Variants in CDK14 observed in about 807,000 individuals in gnomAD.
CDK14 encodes the protein cyclin dependent kinase 14.
CDK14 carries 34 observed loss-of-function variants against 60.7 expected under a neutral mutation model. That is an observed-to-expected ratio of 0.56 (90% confidence interval 0.43 to 0.75). The LOEUF is 0.75. Ranked by LOEUF, CDK14 falls within the 30% of genes least tolerant of loss-of-function variation. The pLI is 0.00. For missense variants in CDK14, 482 were observed against 564.1 expected (o/e 0.85, Z 1.47); for synonymous variants, 197 against 203.7 (o/e 0.97, Z 0.28).
chr7:90,836,720 C>A (rs1184465798), intron 5 of CDK14, among the ~76,000 whole-genome samples: 1 of 152,100 alleles, frequency 6.6e-6, no homozygotes, highest in East Asian at 1.9e-4. Context: ...GTCTATGCAA[C>A]CCTTTTATAC....
intron 10 of CDK14, among the ~76,000 whole-genome samples, chr7:91,026,449 G>A (rs953537581): frequency 2.6e-5 from 4 of 152,336 alleles, no homozygotes; most frequent in African/African-American, 9.6e-5. Context: ...AGACAGGATA[G>A]TCTTATAGAA....
chr7:91,055,582 G>T (rs947524088), intron 11 of CDK14, among the ~76,000 whole-genome samples: 1 of 152,100 alleles, frequency 6.6e-6, no homozygotes, highest in Non-Finnish European at 1.5e-5. Context: ...CTACTCGCTG[G>T]AATTTTGTAA....
chr7:90,631,257 T>G (rs1177461274), intron 2 of CDK14, among the ~76,000 whole-genome samples: 1 of 152,202 alleles, frequency 6.6e-6, no homozygotes, highest in African/African-American at 2.4e-5. Flanking sequence ...TGACTGGACA[T>G]GTAGAAAATG....
At chr7:90,957,742 A>G (rs900633825) in intron 9 of CDK14, among the ~76,000 whole-genome samples, 14 of 152,100 alleles carry the variant, frequency 9.2e-5, no homozygotes, top group African/African-American at 3.1e-4. Context: ...GCTCATGGGT[A>G]GGAAGAATCA....
intron 14 of CDK14, among the ~76,000 whole-genome samples, chr7:91,134,437 C>T (rs376218575): frequency 6.6e-6 from 1 of 152,064 alleles, no homozygotes; most frequent in African/African-American, 2.4e-5. Flanking sequence ...TGCAAAAGGT[C>T]AGAAGTTAAG....
chr7:91,010,520 G>A (rs534964590), intron 10 of CDK14, among the ~76,000 whole-genome samples: 12 of 151,824 alleles, frequency 7.9e-5, no homozygotes, highest in Non-Finnish European at 1.5e-4. Context: ...ATTGTAAATG[G>A]TATTTTTGTT....
chr7:90,712,836 T>C (rs1231157220), intron 2 of CDK14, among the ~76,000 whole-genome samples: 1 of 152,088 alleles, frequency 6.6e-6, no homozygotes, highest in Non-Finnish European at 1.5e-5. Context: ...CCTTTCTCTA[T>C]TTTACTTCAT....
intron 11 of CDK14, among the ~76,000 whole-genome samples, chr7:91,052,976 T>C (rs775034271): frequency 2.6e-5 from 4 of 151,862 alleles, no homozygotes; most frequent in Non-Finnish European, 5.9e-5. Context: ...CATACGGACT[T>C]AGCTGTATCA....
intron 9 of CDK14, among the ~76,000 whole-genome samples, chr7:90,962,602 T>C (rs1794633529): frequency 6.6e-6 from 1 of 152,232 alleles, no homozygotes; most frequent in South Asian, 2.1e-4. Flanking sequence ...TGCTTGGTCA[T>C]TTATTGGCAA....
chr7:90,830,149 C>T (rs1276239964), intron 5 of CDK14, among the ~76,000 whole-genome samples: 1 of 152,188 alleles, frequency 6.6e-6, no homozygotes, highest in Non-Finnish European at 1.5e-5. Flanking sequence ...CTCTGCATCG[C>T]CCTAGTAGAG....
intron 12 of CDK14, among the ~76,000 whole-genome samples, chr7:91,089,307 G>T (rs1045454222): frequency 1.3e-5 from 2 of 152,018 alleles, no homozygotes; most frequent in African/African-American, 4.8e-5. Flanking sequence ...CAGGGAAAAC[G>T]GCATGATAGG....
At chr7:90,662,366 T>TTTG (rs1800881685) in intron 2 of CDK14, among the ~76,000 whole-genome samples, 1 of 152,222 alleles carries the variant, frequency 6.6e-6, no homozygotes, top group South Asian at 2.1e-4. Flanking sequence ...CAAGTCCTGC[T>TTTG]TTGCTCTCTT....
At chr7:91,010,506 T>C (rs1796120268) in intron 10 of CDK14, among the ~76,000 whole-genome samples, 1 of 152,116 alleles carries the variant, frequency 6.6e-6, no homozygotes, top group Non-Finnish European at 1.5e-5. Context: ...AATATTTTTA[T>C]GCTATTGTAA....
intron 14 of CDK14, among the ~76,000 whole-genome samples, chr7:91,184,361 G>T (rs1023611483): frequency 2.0e-5 from 3 of 151,862 alleles, no homozygotes; most frequent in Non-Finnish European, 2.9e-5. Context: ...AATGTGGTAT[G>T]ATCAAGGTTT....
At chr7:90,950,048 C>T (rs962706431) in intron 8 of CDK14, among the ~76,000 whole-genome samples, 4 of 152,110 alleles carry the variant, frequency 2.6e-5, no homozygotes, top group Admixed American at 6.5e-5. Flanking sequence ...TACTGTTATT[C>T]GCATTGAGGA....
chr7:90,707,979 A>G (rs1345115616), intron 2 of CDK14, among the ~76,000 whole-genome samples: 1 of 152,192 alleles, frequency 6.6e-6, no homozygotes, highest in Non-Finnish European at 1.5e-5. Flanking sequence ...TAGATGAAAG[A>G]TTAAAGGAGA....
chr7:91,065,125 G>C (rs1256910310), intron 11 of CDK14, among the ~76,000 whole-genome samples: 2 of 152,166 alleles, frequency 1.3e-5, no homozygotes, highest in Non-Finnish European at 2.9e-5. Flanking sequence ...TACTCATTTA[G>C]AAAAGCATGC....
chr7:90,627,452 A>G (rs919595431), intron 2 of CDK14, among the ~76,000 whole-genome samples: 5 of 152,132 alleles, frequency 3.3e-5, no homozygotes, highest in African/African-American at 7.2e-5. Context: ...GGCTCAAGCA[A>G]TCCTCGTGTT....
chr7:91,057,210 T>C (rs1363340595), intron 11 of CDK14, among the ~76,000 whole-genome samples: 1 of 152,196 alleles, frequency 6.6e-6, no homozygotes, highest in Non-Finnish European at 1.5e-5. Context: ...ATGTCTTCTT[T>C]TGAGAAGTGT....
Sources: gnomAD v4.1 joint callset for allele counts (sites outside exome capture counted in the v4.1 genomes callset) on GRCh38, gnomAD v4.1.1 for gene constraint, MANE v1.5 for transcripts, NCBI Gene and HGNC (gene_info 2026-07-23, HGNC 2026-07-21) for gene names.